The following PDE7B variants were observed in gnomAD, a reference collection of about 807,000 sequenced individuals.
PDE7B encodes 3',5'-cyclic-AMP phosphodiesterase 7B.
In PDE7B, 29 loss-of-function variants were observed where a neutral mutation model predicts 56.2. The ratio of observed to expected loss-of-function variants is 0.52; its 90% CI spans 0.38 to 0.70. The LOEUF (loss-of-function observed/expected upper bound fraction) is 0.70, where lower values mean the gene tolerates loss of function less well. Among genes scored for constraint, PDE7B ranks in the 30% least tolerant of loss-of-function variants. PDE7B has a pLI of 0.00. For missense variants in PDE7B, 490 were observed against 565.0 expected (o/e 0.87, Z 1.35); for synonymous variants, 197 against 196.9 (o/e 1.00, Z 0.00).
chr6:135,884,770 C>A (rs1373660338), intron 1 of PDE7B, among the ~76,000 whole-genome samples: 1 of 152,134 alleles, frequency 6.6e-6, no homozygotes, highest in Non-Finnish European at 1.5e-5. Flanking sequence ...CCTTCCACTG[C>A]TCTTTTCGTG....
intron 1 of PDE7B, among the ~76,000 whole-genome samples, chr6:135,944,635 A>T (rs989844356): frequency 6.6e-6 from 1 of 152,170 alleles, no homozygotes; most frequent in Non-Finnish European, 1.5e-5. Context: ...CTAGCCAGTG[A>T]ACCCAGGCAG....
chr6:135,917,521 T>C (rs1377384582), intron 1 of PDE7B, among the ~76,000 whole-genome samples: 1 of 152,196 alleles, frequency 6.6e-6, no homozygotes, highest in Non-Finnish European at 1.5e-5. Flanking sequence ...AATCCTTAAA[T>C]GTGCTGTTAA....
Position 136,169,904 on chromosome 6 carries a change from G to T in PDE7B, c.712-3893G>T, listed in dbSNP as rs114077835. On this transcript the variant is annotated intron_variant, in intron 8 of 12. Transcript: ENST00000308191. ...CAAACATGGTCAAGTGGTAAATAAA[G>T]AATAATGACTCCTTGGCAATTAGTG... is the stretch of plus-strand genomic sequence containing the variant. Among the ~76,000 whole-genome samples, 601 of 152,232 alleles carry T rather than the reference G, an allele frequency of 3.9e-3. 4 individuals are homozygous for T. Among genetic ancestry groups the T allele is most frequent in the African/African-American group, 0.014 (570 of 41,550 alleles).
intron 2 of PDE7B, among the ~76,000 whole-genome samples, chr6:136,025,349 G>A (rs1006441263): frequency 6.6e-6 from 1 of 152,164 alleles, no homozygotes; most frequent in African/African-American, 2.4e-5. Context: ...TGATTATAAT[G>A]TGTTTCAGAA....
intron 8 of PDE7B, among the ~76,000 whole-genome samples, chr6:136,163,697 G>T (rs2128448909): frequency 6.6e-6 from 1 of 152,144 alleles, no homozygotes; most frequent in South Asian, 2.1e-4. Flanking sequence ...TGAATGCTTT[G>T]CCATTTAGGA....
chr6:135,905,138 T>C (rs1275878622), intron 1 of PDE7B, among the ~76,000 whole-genome samples: 1 of 152,196 alleles, frequency 6.6e-6, no homozygotes, highest in Admixed American at 6.5e-5. Context: ...CATTATAGTA[T>C]CAGTGTAGCA....
intron 1 of PDE7B, among the ~76,000 whole-genome samples, chr6:135,912,045 A>G (rs1205442141): frequency 3.9e-5 from 6 of 152,222 alleles, no homozygotes; most frequent in African/African-American, 1.4e-4. Flanking sequence ...AGAGATTTCC[A>G]AAAGTAAATA....
At chr6:136,119,009 A>T (rs992196875) in intron 3 of PDE7B, among the ~76,000 whole-genome samples, 1 of 152,178 alleles carries the variant, frequency 6.6e-6, no homozygotes, top group East Asian at 1.9e-4. Flanking sequence ...GATAAGAAAG[A>T]AAAGGGCGTG....
At chr6:136,101,710 C>CAT (rs1341739907) in intron 2 of PDE7B, among the ~76,000 whole-genome samples, 2 of 152,170 alleles carry the variant, frequency 1.3e-5, no homozygotes, top group Admixed American at 1.3e-4. Flanking sequence ...TGCTGACTCC[C>CAT]ATACCTAAAT....
chr6:135,913,103 G>A (rs955385448), intron 1 of PDE7B, among the ~76,000 whole-genome samples: 5 of 152,098 alleles, frequency 3.3e-5, no homozygotes, highest in South Asian at 2.1e-4. Context: ...GGTGTACCAC[G>A]AACTTTGTAA....
intron 2 of PDE7B, among the ~76,000 whole-genome samples, chr6:136,067,746 C>T (rs776711727): frequency 6.6e-6 from 1 of 152,124 alleles, no homozygotes; most frequent in Admixed American, 6.5e-5. Flanking sequence ...TGGAAGTGAG[C>T]TGCCAGTATT....
At chr6:136,098,542 C>T (rs1291127297) in intron 2 of PDE7B, among the ~76,000 whole-genome samples, 1 of 152,018 alleles carries the variant, frequency 6.6e-6, no homozygotes, top group African/African-American at 2.4e-5. Context: ...TGCTAGGGAG[C>T]CATTTAAACC....
chr6:136,139,679 G>T (rs902778350), intron 3 of PDE7B, among the ~76,000 whole-genome samples: 2 of 152,226 alleles, frequency 1.3e-5, no homozygotes, highest in African/African-American at 4.8e-5. Flanking sequence ...GTGTGAGATG[G>T]TATCTCATTG....
chr6:135,895,610 C>T (rs187915169), intron 1 of PDE7B, among the ~76,000 whole-genome samples: 126 of 152,208 alleles, frequency 8.3e-4, no homozygotes, highest in African/African-American at 2.9e-3. Flanking sequence ...AATGTGCTTG[C>T]AGGCAAAAAC....
At chr6:135,855,204 C>G (rs941542798) in intron 1 of PDE7B, among the ~76,000 whole-genome samples, 8 of 152,134 alleles carry the variant, frequency 5.3e-5, no homozygotes, top group Non-Finnish European at 7.4e-5. Context: ...TTATTCTCAA[C>G]CTAGAATTTT....
Position 136,147,472 on chromosome 6 carries a change from G to T in PDE7B, c.288G>T (p.Leu96=), listed in dbSNP as rs1778436221. Residue 96 remains leucine (L), a synonymous_variant, in exon 4 of 13, where the codon CTG becomes CTT. Coordinates refer to ENST00000308191, the MANE Select transcript of PDE7B (RefSeq NM_018945.4). ...TTATACCACAAGCCCCTCTGCACCTGCTGGATGAAGACTACCTTGGACAAG... is the reference window on the plus strand; with the variant it reads ...TTATACCACAAGCCCCTCTGCACCTTCTGGATGAAGACTACCTTGGACAAG... The part of the protein sequence containing the change: ...RGIIPQAPLH[L]LDEDYLGQAR... The T allele has an allele frequency of 6.2e-7, 1 of 1,613,930 alleles. No individual in the cohort carries two copies. Among genetic ancestry groups the T allele is most frequent in the Non-Finnish European group, 8.5e-7 (1 of 1,179,886 alleles).
At chr6:136,112,459 A>G (rs1382834613) in intron 3 of PDE7B, 2 of 152,360 alleles carry the variant, frequency 1.3e-5, no homozygotes, top group East Asian at 3.9e-4. Flanking sequence ...CGTGTGGTCT[A>G]CAAACCGCCC....
intron 2 of PDE7B, among the ~76,000 whole-genome samples, chr6:136,036,328 T>C (rs1232640633): frequency 6.6e-6 from 1 of 152,238 alleles, no homozygotes; most frequent in African/African-American, 2.4e-5. Flanking sequence ...CTGGTTGTTA[T>C]AGAAAGAGCT....
chr6:136,183,437 C>CA lies in PDE7B; in HGVS notation c.1045+2123dup, dbSNP rs917825009. On this transcript the variant is annotated intron_variant, in intron 11 of 12. Coordinates refer to ENST00000308191, the MANE Select transcript of PDE7B (RefSeq NM_018945.4). Reference sequence around the variant, plus strand: ...TGAAACCCCGTCTCTACTAAAAATACAAAAAAAAATTAGCCGGGCATGGTG... The same window carrying CA: ...TGAAACCCCGTCTCTACTAAAAATACAAAAAAAAAATTAGCCGGGCATGGTG... Among the ~76,000 whole-genome samples, 23 of 149,432 alleles carry CA rather than the reference C, an allele frequency of 1.5e-4. 1 individual carries two copies. Among genetic ancestry groups the CA allele is most frequent in the Admixed American group, 3.3e-4 (5 of 15,012 alleles).
Sources: gnomAD v4.1 joint callset for allele counts (sites outside exome capture counted in the v4.1 genomes callset) on GRCh38, gnomAD v4.1.1 for gene constraint, MANE v1.5 for transcripts, NCBI Gene and HGNC (gene_info 2026-07-23, HGNC 2026-07-21) for gene names.